Variants in HTT observed in about 807,000 individuals in gnomAD.
HTT encodes huntington disease protein.
HTT carries 104 observed loss-of-function variants against 362.3 expected under a neutral mutation model. That is an observed-to-expected ratio of 0.29 (90% CI 0.24 to 0.34). HTT has a LOEUF of 0.34. HTT is among the 10% of genes least tolerant of loss of function. The pLI, the probability that HTT is intolerant of heterozygous loss-of-function variation, is 1.00. For missense variants in HTT, 3,301 were observed against 3,928.6 expected, an observed-to-expected ratio of 0.84 and a Z score of 4.27; for synonymous variants, 1,577 against 1,548.7, an observed-to-expected ratio of 1.02 and a Z score of -0.43.
intron 6 of HTT, among the ~76,000 whole-genome samples, chr4:3,108,053 T>G (rs1395421080): frequency 4.6e-5 from 7 of 152,208 alleles, no homozygotes; most frequent in African/African-American, 7.2e-5. Context: ...TCTTTACTAG[T>G]TATTTTCCTC....
intron 40 of HTT, among the ~76,000 whole-genome samples, chr4:3,190,230 C>G (rs1220991943): frequency 6.6e-6 from 1 of 151,538 alleles, no homozygotes; most frequent in Non-Finnish European, 1.5e-5. Flanking sequence ...GCCTGTAGTC[C>G]CAGCTACTTG....
At chr4:3,232,647 G>A (rs1721312499) in intron 60 of HTT, among the ~76,000 whole-genome samples, 1 of 152,244 alleles carries the variant, frequency 6.6e-6, no homozygotes, top group South Asian at 2.1e-4. Flanking sequence ...AACAAAATCA[G>A]CAAAGAAAAT....
chr4:3,144,692 T>C (rs950437820), intron 23 of HTT, among the ~76,000 whole-genome samples: 1 of 152,254 alleles, frequency 6.6e-6, no homozygotes, highest in Admixed American at 6.5e-5. Context: ...CTGTCTGCAG[T>C]ATGGTCTTCC....
chr4:3,171,159 C>T (rs1284406533), intron 29 of HTT, among the ~76,000 whole-genome samples: 4 of 152,174 alleles, frequency 2.6e-5, no homozygotes, highest in Non-Finnish European at 5.9e-5. Context: ...TGGTGTGTGA[C>T]AAATTCAATT....
chr4:3,115,592 G>A lies in HTT; in HGVS notation c.889+147G>A, dbSNP rs558908474. The stretch of plus-strand genomic sequence containing the variant: ...ATGTGAACTGCACTGGGGCTGCTGT[G>A]AGCCCGCATGGGTCTCTGTGACCCT... On this transcript the variant is annotated intron_variant, in intron 7 of 66. Transcript: ENST00000355072. 51 of 657,122 alleles carry A rather than the reference G, an allele frequency of 7.8e-5. No homozygotes were observed. The African/African-American group carries it at 8.7e-4, about 11-fold the overall frequency. 40.7% of individuals were successfully genotyped at this position (657,122 alleles called of 1,614,324 possible).
At chr4:3,129,788 T>A in intron 12 of HTT, 136 bp from the exon 13 acceptor site, 1 of 1,038,524 alleles carries the variant, frequency 9.6e-7, no homozygotes, top group Non-Finnish European at 1.5e-6. Flanking sequence ...TTCTGTGCCT[T>A]GAAATAAATG....
chr4:3,186,769 C>T (rs763788193), intron 38 of HTT, 50 bp downstream of exon 38: 2 of 1,582,586 alleles, frequency 1.3e-6, no homozygotes, highest in South Asian at 1.1e-5. Flanking sequence ...CTTGTTCAGG[C>T]TCTGATTACT....
chr4:3,119,516 G>A (rs1426701279), intron 8 of HTT, among the ~76,000 whole-genome samples: 1 of 152,186 alleles, frequency 6.6e-6, no homozygotes, highest in African/African-American at 2.4e-5. Flanking sequence ...CATTATTGCA[G>A]TGAATAACAT....
chr4:3,096,147 A>G (rs1005351296), intron 2 of HTT, among the ~76,000 whole-genome samples: 1 of 152,262 alleles, frequency 6.6e-6, no homozygotes, highest in South Asian at 2.1e-4. Context: ...GTCATTTCAT[A>G]ATGATGAAGG....
At chr4:3,133,915 A>G (rs972996345) in intron 18 of HTT, among the ~76,000 whole-genome samples, 1 of 152,130 alleles carries the variant, frequency 6.6e-6, no homozygotes, top group Non-Finnish European at 1.5e-5. Context: ...TCAGCCATGC[A>G]TGTGATGGTG....
Position 3,225,702 on chromosome 4 carries a change from C to G in HTT, c.7807C>G (p.Pro2603Ala), listed in dbSNP as rs753459134. ...CGAGAAGCTGCTGCTACAGATCAAC[C>G]CCGAGCGGGAGCTGGGGAGCATGAG... ...SHEKLLLQIN[P>A]ERELGSMSYK... The change falls in exon 57 of 67, where the codon CCC becomes GCC. Residue 2603 changes from proline to alanine, a missense_variant. Pro to Ala is a conservative substitution (Grantham distance 27). This residue lies in a region of HTT where 753 missense variants were observed against 1,021.3 expected (regional missense o/e 0.74). Transcript: ENST00000355072. 1.9e-6 allele frequency: 3 copies of G among 1,614,116 alleles called. No homozygotes were observed. The highest frequency in any genetic ancestry group is 2.2e-5 in the South Asian group (2 of 91,078).
chr4:3,157,735 C>G lies in HTT; in HGVS notation c.3753+536C>G, dbSNP rs142290202. On this transcript the variant is annotated intron_variant, in intron 28 of 66. Coordinates refer to ENST00000355072, the MANE Select transcript of HTT (RefSeq NM_001388492.1). The stretch of plus-strand genomic sequence containing the variant: ...TACCCCCAAGAGCCAGCCTTTCTGT[C>G]TAGGGATGTTTTAGTTTTTTAGTTC... Among the ~76,000 whole-genome samples the G allele has an allele frequency of 4.6e-5, 7 of 152,100 alleles. No individual in the cohort carries two copies. In the East Asian group the frequency reaches 1.4e-3, roughly 29 times the overall value.
intron 8 of HTT, among the ~76,000 whole-genome samples, chr4:3,119,175 G>T (rs1191459506): frequency 2.0e-5 from 3 of 152,166 alleles, no homozygotes; most frequent in Non-Finnish European, 4.4e-5. Flanking sequence ...CGCGTAGTTC[G>T]TATTAGAAAC....
In HTT at chr4:3,237,416, C is replaced by A. The variant is rs568025838; in HGVS notation, c.8892-1031C>A. Among the ~76,000 whole-genome samples the A allele has an allele frequency of 2.6e-5, 4 of 152,334 alleles. No homozygotes were observed. The East Asian group carries it at 5.8e-4, about 22-fold the overall frequency. ...ATGCACCTCTGCATCGTTCTTCAGTCCCCATATGCTCACTGAGCACCACTG... is the reference window on the plus strand; with the variant it reads ...ATGCACCTCTGCATCGTTCTTCAGTACCCATATGCTCACTGAGCACCACTG... On this transcript the variant is annotated intron_variant, in intron 64 of 66. Coordinates refer to ENST00000355072, the MANE Select transcript of HTT (RefSeq NM_001388492.1).
At chr4:3,080,649 A>G (rs893993803) in intron 1 of HTT, among the ~76,000 whole-genome samples, 5 of 152,204 alleles carry the variant, frequency 3.3e-5, no homozygotes, top group African/African-American at 9.7e-5. Context: ...CTGTGCTTCA[A>G]GTGTCATATC....
chr4:3,224,775 C>T (rs1413543872), intron 56 of HTT, among the ~76,000 whole-genome samples: 2 of 152,216 alleles, frequency 1.3e-5, no homozygotes, highest in African/African-American at 4.8e-5. Flanking sequence ...GCAGAAAGTT[C>T]TATGTGGACG....
chr4:3,078,735 A>AT (rs112353753), intron 1 of HTT, among the ~76,000 whole-genome samples: 41 of 145,328 alleles, frequency 2.8e-4, no homozygotes, highest in Non-Finnish European at 3.2e-4. Context: ...TGCCTGGGTA[A>AT]TTTTTTTTTT....
At chr4:3,213,049 C>A in intron 49 of HTT, 1 of 268,374 alleles carries the variant, frequency 3.7e-6, no homozygotes, top group South Asian at 5.4e-5. Flanking sequence ...GGAATACTTA[C>A]TTGGTTTGTG....
intron 39 of HTT, 90 bp downstream of exon 39, chr4:3,187,976 G>C (rs1718846319): frequency 1.4e-6 from 1 of 731,686 alleles, no homozygotes; most frequent in Non-Finnish European, 2.3e-6. Flanking sequence ...ATAATACCTG[G>C]TCTTGCTTCA....
Sources: gnomAD v4.1 joint callset for allele counts (sites outside exome capture counted in the v4.1 genomes callset) on GRCh38, gnomAD v4.1.1 for gene constraint, gnomAD v4.1.1 regional missense constraint, MANE v1.5 for transcripts, NCBI Gene and HGNC (gene_info 2026-07-23, HGNC 2026-07-21) for gene names.